CDH13: variants seen among roughly 807,000 people sequenced by gnomAD.
The protein encoded by CDH13 is cadherin 13.
Under a neutral mutation model 63.8 loss-of-function variants are expected in CDH13, and 24 were observed. The ratio of observed to expected loss-of-function variants is 0.38; its 90% CI spans 0.27 to 0.53. The LOEUF (loss-of-function observed/expected upper bound fraction) is 0.53, where lower values mean the gene tolerates loss of function less well. Among genes scored for constraint, CDH13 ranks in the 20% least tolerant of loss-of-function variants. CDH13 has a pLI of 0.85. For missense variants in CDH13, 1,049 were observed against 903.1 expected (o/e 1.16, Z -2.07); for synonymous variants, 503 against 355.3 (o/e 1.42, Z -4.67).
intron 1 of CDH13, among the ~76,000 whole-genome samples, chr16:82,695,472 G>C (rs1485899448): frequency 6.6e-6 from 1 of 152,112 alleles, no homozygotes; most frequent in African/African-American, 2.4e-5. Flanking sequence ...GGGTTAGCAC[G>C]TGGCTCCAAT....
intron 5 of CDH13, among the ~76,000 whole-genome samples, chr16:83,300,121 G>T (rs185432051): frequency 1.3e-5 from 2 of 152,278 alleles, no homozygotes; most frequent in African/African-American, 4.8e-5. Flanking sequence ...TACCCAAGAG[G>T]GTGAGTACCA....
intron 7 of CDH13, among the ~76,000 whole-genome samples, chr16:83,492,822 C>G (rs1009371572): frequency 1.3e-5 from 2 of 152,150 alleles, no homozygotes; most frequent in Non-Finnish European, 2.9e-5. Context: ...TGGATAAATT[C>G]TAGAAGAAGA....
intron 1 of CDH13, among the ~76,000 whole-genome samples, chr16:82,833,939 C>T (rs1330899088): frequency 2.6e-5 from 4 of 152,168 alleles, no homozygotes; most frequent in Non-Finnish European, 4.4e-5. Flanking sequence ...ACCCCTTTCT[C>T]GAGAAATGTA....
chr16:83,439,527 A>G lies in CDH13; in HGVS notation c.782-46950A>G, dbSNP rs144238160. ...GCTATTCGGAAGCATGGGTAGTTCT[A>G]TGACCAGTGCTAAATCTCATCTTTA... On this transcript the variant is annotated intron_variant, in intron 6 of 13. Transcript: ENST00000567109. 8.5e-5 allele frequency among the ~76,000 whole-genome samples: 13 copies of G among 152,348 alleles called. 1 individual carries two copies. The East Asian group carries it at 2.5e-3, about 29-fold the overall frequency.
chr16:83,203,668 A>AT (rs1047647589), intron 4 of CDH13, among the ~76,000 whole-genome samples: 2 of 150,920 alleles, frequency 1.3e-5, no homozygotes, highest in African/African-American at 4.9e-5. Context: ...TCTCAAAAAA[A>AT]AAAAAAAAAA....
At chr16:83,234,496 G>C (rs2040089853) in intron 5 of CDH13, among the ~76,000 whole-genome samples, 2 of 152,146 alleles carry the variant, frequency 1.3e-5, no homozygotes, top group South Asian at 4.2e-4. Flanking sequence ...CCTTGAGGTT[G>C]GACCTAGGCA....
intron 1 of CDH13, among the ~76,000 whole-genome samples, chr16:82,804,309 A>AT (rs60630559): frequency 4.8e-5 from 7 of 146,476 alleles, no homozygotes; most frequent in Admixed American, 4.7e-4. Flanking sequence ...ACACACACAC[A>AT]CACGCACACA....
chr16:82,853,426 C>T (rs888904328), intron 1 of CDH13, among the ~76,000 whole-genome samples: 1 of 152,154 alleles, frequency 6.6e-6, no homozygotes, highest in Non-Finnish European at 1.5e-5. Context: ...TAATAGCAAG[C>T]ATTTATTGAG....
intron 3 of CDH13, among the ~76,000 whole-genome samples, chr16:83,074,949 G>A (rs1439480624): frequency 6.6e-6 from 1 of 152,204 alleles, no homozygotes; most frequent in Non-Finnish European, 1.5e-5. Flanking sequence ...GAGGACACGT[G>A]CAGCCTAAGC....
At chr16:82,880,065 A>T (rs555628622) in intron 2 of CDH13, among the ~76,000 whole-genome samples, 95 of 150,158 alleles carry the variant, frequency 6.3e-4, no homozygotes, top group Admixed American at 1.7e-3. Flanking sequence ...TATACTATTT[A>T]TGTAATCAGT....
At chr16:83,301,326 T>C (rs1198900518) in intron 5 of CDH13, among the ~76,000 whole-genome samples, 1 of 152,152 alleles carries the variant, frequency 6.6e-6, no homozygotes, top group East Asian at 1.9e-4. Context: ...CCACCGCACC[T>C]GGTCAGGGTT....
At chr16:82,899,093 C>T (rs559612424) in intron 2 of CDH13, among the ~76,000 whole-genome samples, 2 of 152,274 alleles carry the variant, frequency 1.3e-5, no homozygotes, top group South Asian at 2.1e-4. Context: ...TCACAGTGTC[C>T]ACTTCAGTTG....
chr16:83,437,934 A>G (rs1453471340), intron 6 of CDH13, among the ~76,000 whole-genome samples: 1 of 152,034 alleles, frequency 6.6e-6, no homozygotes, highest in Non-Finnish European at 1.5e-5. Flanking sequence ...CTGCTTCCTC[A>G]AGATCTCTTC....
chr16:82,659,761 T>A (rs917013702), intron 1 of CDH13, among the ~76,000 whole-genome samples: 1 of 152,026 alleles, frequency 6.6e-6, no homozygotes, highest in South Asian at 2.1e-4. Flanking sequence ...TAGGGAAGGG[T>A]TTCTCCACCA....
intron 5 of CDH13, among the ~76,000 whole-genome samples, chr16:83,247,297 C>A (rs904348611): frequency 8.5e-5 from 13 of 152,148 alleles, no homozygotes; most frequent in Admixed American, 7.2e-4. Context: ...ACATAATTTA[C>A]ATGGAGGCTT....
intron 1 of CDH13, among the ~76,000 whole-genome samples, chr16:82,640,544 G>C (rs1251922940): frequency 1.3e-5 from 2 of 152,144 alleles, no homozygotes; most frequent in Admixed American, 1.3e-4. Context: ...AATGGGCAGG[G>C]TAATAAAATG....
At chr16:83,167,887 C>T (rs886566381) in intron 4 of CDH13, among the ~76,000 whole-genome samples, 11 of 151,960 alleles carry the variant, frequency 7.2e-5, no homozygotes, top group African/African-American at 2.4e-4. Context: ...AATAAAATCA[C>T]AAGCTTTGCA....
intron 6 of CDH13, among the ~76,000 whole-genome samples, chr16:83,351,683 G>A (rs76801531): frequency 0.042 from 6,444 of 152,258 alleles, 280 homozygotes; most frequent in East Asian, 0.27. Context: ...CTGCAGAAGA[G>A]AGCTCATCTC....
intron 8 of CDH13, among the ~76,000 whole-genome samples, chr16:83,628,134 G>A (rs1221262373): frequency 2.6e-5 from 4 of 152,102 alleles, no homozygotes; most frequent in Non-Finnish European, 5.9e-5. Flanking sequence ...TGTATCCTGT[G>A]CCAACCTCCC....
Sources: gnomAD v4.1 joint callset for allele counts (sites outside exome capture counted in the v4.1 genomes callset) on GRCh38, gnomAD v4.1.1 for gene constraint, MANE v1.5 for transcripts, NCBI Gene and HGNC (gene_info 2026-07-23, HGNC 2026-07-21) for gene names.